The following MCU variants were observed in gnomAD, a reference collection of about 807,000 sequenced individuals.
MCU encodes the protein mitochondrial calcium uniporter, also known as calcium uniporter protein, mitochondrial.
Under a neutral mutation model 45.2 loss-of-function variants are expected in MCU, and 12 were observed. That is an observed-to-expected ratio of 0.27 (90% CI 0.17 to 0.43). The LOEUF is 0.43. Among genes scored for constraint, MCU ranks in the 20% least tolerant of loss-of-function variants. MCU has a pLI of 1.00. For missense variants in MCU, 324 were observed against 436.7 expected, an observed-to-expected ratio of 0.74 and a Z score of 2.30; for synonymous variants, 160 against 165.1, an observed-to-expected ratio of 0.97 and a Z score of 0.24.
chr10:72,847,042 G>C (rs186597897), intron 2 of MCU, among the ~76,000 whole-genome samples: 1 of 152,294 alleles, frequency 6.6e-6, no homozygotes, highest in Admixed American at 6.5e-5. Flanking sequence ...TGCAAACTGG[G>C]CTCACTGCAA....
At chr10:72,801,678 T>C (rs1033292999) in intron 1 of MCU, among the ~76,000 whole-genome samples, 1 of 151,088 alleles carries the variant, frequency 6.6e-6, no homozygotes, top group African/African-American at 2.4e-5. Context: ...TTTTTTCTTT[T>C]TTTTTTTTTT....
chr10:72,844,246 G>T (rs1411974360), intron 2 of MCU, among the ~76,000 whole-genome samples: 1 of 152,172 alleles, frequency 6.6e-6, no homozygotes, highest in Non-Finnish European at 1.5e-5. Context: ...AATTAGCTGG[G>T]TGTGGTGGTG....
At chr10:72,835,330 T>A (rs546997123) in intron 2 of MCU, among the ~76,000 whole-genome samples, 1 of 152,320 alleles carries the variant, frequency 6.6e-6, no homozygotes, top group East Asian at 1.9e-4. Flanking sequence ...TTACCCGGTA[T>A]TGTGCATTTA....
chr10:72,729,952 C>CTTTT (rs58668483), intron 1 of MCU, among the ~76,000 whole-genome samples: 190 of 90,412 alleles, frequency 2.1e-3, no homozygotes, highest in East Asian at 8.2e-3. Flanking sequence ...CTTCAGCATT[C>CTTTT]TTTTTTTTTT....
Position 72,819,194 on chromosome 10 carries a change from A to G in MCU, c.151-15165A>G, listed in dbSNP as rs184022104. On this transcript the variant is annotated intron_variant, in intron 1 of 7. Transcript: ENST00000373053. ...CAATTTTCCTTATTTTGACAAATCA[A>G]GTGAGCCAGGCAGCCTTATGACTTG... 2.6e-4 allele frequency among the ~76,000 whole-genome samples: 40 copies of G among 152,340 alleles called. No individual in the cohort carries two copies. In the East Asian group the frequency reaches 6.0e-3, roughly 23 times the overall value.
At chr10:72,744,418 C>T (rs561348571) in intron 1 of MCU, among the ~76,000 whole-genome samples, 175 of 152,232 alleles carry the variant, frequency 1.1e-3, no homozygotes, top group Non-Finnish European at 2.2e-3. Context: ...ATTTTTGGCT[C>T]ACTGGCCATA....
chr10:72,764,405 C>A (rs2132726856), intron 1 of MCU, among the ~76,000 whole-genome samples: 1 of 152,154 alleles, frequency 6.6e-6, no homozygotes. Flanking sequence ...ATTAAAAAAA[C>A]CTTGTGGTTT....
intron 6 of MCU, among the ~76,000 whole-genome samples, chr10:72,883,808 C>G (rs563738809): frequency 3.9e-5 from 6 of 152,184 alleles, no homozygotes; most frequent in African/African-American, 1.2e-4. Context: ...TGAAGGTAGC[C>G]ATATAAATAT....
At chr10:72,828,439 G>A (rs1844829599) in intron 1 of MCU, among the ~76,000 whole-genome samples, 1 of 152,062 alleles carries the variant, frequency 6.6e-6, no homozygotes. Context: ...GGTTAATAAG[G>A]AAATAACTTT....
intron 4 of MCU, among the ~76,000 whole-genome samples, chr10:72,865,963 G>C (rs1441810330): frequency 1.3e-5 from 2 of 151,642 alleles, no homozygotes; most frequent in African/African-American, 2.4e-5. Flanking sequence ...ATTTTTAGTA[G>C]AGACGGGGTT....
At chr10:72,710,930 C>A (rs148929035) in intron 1 of MCU, among the ~76,000 whole-genome samples, 1 of 151,990 alleles carries the variant, frequency 6.6e-6, no homozygotes, top group Non-Finnish European at 1.5e-5. Context: ...GTAATCCCAG[C>A]GCTTTGGGAG....
intron 2 of MCU, among the ~76,000 whole-genome samples, chr10:72,842,169 C>T (rs1845057796): frequency 6.6e-6 from 1 of 152,094 alleles, no homozygotes; most frequent in South Asian, 2.1e-4. Context: ...TCCTATAGTC[C>T]TGTAGACATG....
intron 1 of MCU, among the ~76,000 whole-genome samples, chr10:72,724,334 G>A (rs1279079052): frequency 1.3e-5 from 2 of 152,126 alleles, no homozygotes; most frequent in African/African-American, 4.8e-5. Context: ...TGTTTTTCTC[G>A]TATAAGTGAA....
intron 1 of MCU, among the ~76,000 whole-genome samples, chr10:72,727,731 A>G (rs1843119677): frequency 6.6e-6 from 1 of 152,166 alleles, no homozygotes; most frequent in African/African-American, 2.4e-5. Context: ...ATAGGAATGA[A>G]CATGATAGAT....
intron 1 of MCU, among the ~76,000 whole-genome samples, chr10:72,725,615 G>A (rs559906393): frequency 6.6e-6 from 1 of 152,282 alleles, no homozygotes; most frequent in Admixed American, 6.5e-5. Context: ...TAGGCCGGGT[G>A]CGGTGGCTCA....
rs935919765 is a variant in MCU at position 72,886,145 on chromosome 10, C to G, written c.*323C>G. 1 of 204,332 alleles carries G rather than the reference C, an allele frequency of 4.9e-6. No homozygotes were observed. 12.7% of individuals were successfully genotyped at this position (204,332 alleles called of 1,614,324 possible). ...GTGTTCGTTTCTTGCATCTTCTTTG[C>G]AGAGTCAGCAAAAGAGTAACACACC... On this transcript the variant is annotated 3_prime_UTR_variant, in exon 8 of 8. Coordinates refer to ENST00000373053, the MANE Select transcript of MCU (RefSeq NM_138357.3).
chr10:72,714,621 C>T (rs914929718), intron 1 of MCU, among the ~76,000 whole-genome samples: 6 of 151,746 alleles, frequency 4.0e-5, no homozygotes, highest in South Asian at 2.1e-4. Flanking sequence ...CTCAGCTCAC[C>T]GCAAACTCTG....
At chr10:72,742,944 G>C (rs1332453813) in intron 1 of MCU, among the ~76,000 whole-genome samples, 5 of 152,010 alleles carry the variant, frequency 3.3e-5, no homozygotes, top group Non-Finnish European at 5.9e-5. Flanking sequence ...GGGAAAGGGG[G>C]TTAACAAGTT....
intron 1 of MCU, among the ~76,000 whole-genome samples, chr10:72,769,589 G>A (rs1243163340): frequency 6.6e-6 from 1 of 152,110 alleles, no homozygotes; most frequent in African/African-American, 2.4e-5. Context: ...GGCTGTAGAA[G>A]TGTGTTGATT....
Sources: allele counts gnomAD v4.1 joint callset (sites outside exome capture counted in the v4.1 genomes callset), GRCh38; gene constraint gnomAD v4.1.1; transcripts MANE v1.5; gene names NCBI Gene and HGNC (gene_info 2026-07-23, HGNC 2026-07-21).